The following RBBP5 variants were observed in gnomAD, a reference collection of about 807,000 sequenced individuals.
RBBP5 encodes the protein RB binding protein 5, histone lysine methyltransferase complex subunit, also known as retinoblastoma-binding protein 5.
A neutral mutation model predicts 72.2 loss-of-function variants in RBBP5; 5 were observed. The ratio of observed to expected loss-of-function variants is 0.07; its 90% confidence interval spans 0.04 to 0.15. The LOEUF is 0.15. RBBP5 is among the 10% of genes least tolerant of loss of function. RBBP5 has a pLI of 1.00. For missense variants in RBBP5, 322 were observed against 652.2 expected, an observed-to-expected ratio of 0.49 and a Z score of 5.51; for synonymous variants, 209 against 237.2, an observed-to-expected ratio of 0.88 and a Z score of 1.09.
chr1:205,094,296 C>T lies in RBBP5; in HGVS notation c.1588+577G>A, dbSNP rs1655528373. Among the ~76,000 whole-genome samples the T allele has an allele frequency of 2.0e-5, 3 of 152,152 alleles. No homozygotes were observed. In the South Asian group the frequency reaches 6.2e-4, roughly 32 times the overall value. ...AAAAAATCAAAAACCAAAACAAACC[C>T]CATCTTCTTCCTTAACACGATGGTA... On this transcript the variant is annotated intron_variant, in intron 13 of 13. Coordinates refer to ENST00000264515, the MANE Select transcript of RBBP5 (RefSeq NM_005057.4).
intron 3 of RBBP5, among the ~76,000 whole-genome samples, chr1:205,112,774 G>A (rs1656368118): frequency 1.3e-5 from 2 of 152,218 alleles, no homozygotes; most frequent in East Asian, 1.9e-4. Context: ...AGTATTAGGA[G>A]GGAAAAGCAA....
intron 3 of RBBP5, among the ~76,000 whole-genome samples, chr1:205,105,453 A>G (rs1366312154): frequency 6.6e-6 from 1 of 152,254 alleles, no homozygotes; most frequent in Non-Finnish European, 1.5e-5. Context: ...AGAGTCTAAA[A>G]AATCAGCTGC....
rs868608448 is a variant in RBBP5 at position 205,099,799 on chromosome 1, C to T, written c.920G>A (p.Arg307Gln). 3.1e-6 allele frequency: 5 copies of T among 1,613,642 alleles called. No individual in the cohort carries two copies. The African/African-American group carries it at 5.3e-5, about 17-fold the overall frequency. ...LLLDVAWHPV[R>Q]PIIASISSGV... ...ACTGGAAATGGATGCTATGATGGGT[C>T]GAACAGGATGCCACTAAATTTTAGT... Residue 307 changes from arginine (R) to glutamine (Q), a missense_variant, in exon 9 of 14, where the codon CGA becomes CAA. Coordinates refer to ENST00000264515, the MANE Select transcript of RBBP5 (RefSeq NM_005057.4). This position sits in a 1 kb window ranked among gnomAD's most constrained non-coding sequence, Gnocchi z 4.7.
intron 2 of RBBP5, 130 bp downstream of exon 2, chr1:205,115,728 T>G: frequency 8.4e-7 from 1 of 1,190,130 alleles, no homozygotes; most frequent in South Asian, 2.5e-5. Context: ...CTCCTTATTA[T>G]AGCATAAGAT....
chr1:205,098,995 G>T lies in RBBP5; in HGVS notation c.1090C>A (p.Gln364Lys), dbSNP rs1655720848. ...IEDEDKSEPE[Q>K]TGADAAEDEE... The stretch of plus-strand genomic sequence containing the variant: ...TGCAATTTAGAAATAGTACCTGTCT[G>T]CTCAGGCTCACTCTTATCTTCATCT... Residue 364 changes from glutamine to lysine, a missense_variant, in exon 10 of 14, where the codon CAG (glutamine) becomes AAG (lysine). Gln to Lys is a moderately conservative substitution (Grantham distance 53). Transcript: ENST00000264515. 6.3e-7 allele frequency: 1 copy of T among 1,591,342 alleles called. No individual in the cohort carries two copies. Among genetic ancestry groups the T allele is most frequent in the East Asian group, 2.3e-5 (1 of 43,524 alleles).
chr1:205,111,335 A>G (rs918165317), intron 3 of RBBP5, among the ~76,000 whole-genome samples: 2 of 152,242 alleles, frequency 1.3e-5, no homozygotes, highest in African/African-American at 4.8e-5. Flanking sequence ...AGCTGAGAAC[A>G]TAGCAGTGAA....
chr1:205,121,396 T>C (rs547459118), intron 1 of RBBP5, among the ~76,000 whole-genome samples: 1 of 152,334 alleles, frequency 6.6e-6, no homozygotes, highest in South Asian at 2.1e-4. Context: ...TGAGCCTTTA[T>C]TCATCTGTTC....
chr1:205,093,394 G>A (rs531938017), intron 13 of RBBP5, among the ~76,000 whole-genome samples: 281 of 145,580 alleles, frequency 1.9e-3, no homozygotes, highest in Non-Finnish European at 3.7e-3. Context: ...AGGAGGCAGA[G>A]GTTGCAGTGA....
chr1:205,112,175 G>A (rs558055929), intron 3 of RBBP5, among the ~76,000 whole-genome samples: 10 of 152,064 alleles, frequency 6.6e-5, no homozygotes, highest in Admixed American at 4.6e-4. Flanking sequence ...AAAATCAGCC[G>A]GTCATGGTGG....
chr1:205,090,659 G>T (rs1431484228), intron 13 of RBBP5, among the ~76,000 whole-genome samples: 1 of 152,160 alleles, frequency 6.6e-6, no homozygotes, highest in Admixed American at 6.5e-5. Flanking sequence ...CTCCAGTAAT[G>T]TAACAGGTAG....
chr1:205,086,390 C>G lies in RBBP5; in HGVS notation c.*2397G>C, dbSNP rs1307762455. On this transcript the variant is annotated 3_prime_UTR_variant, in exon 14 of 14. Transcript: ENST00000264515. ...TAGCTAGGATTACAGGTGCCCGCCACCACGCCCAGCTAATTTTTGTATTTT... is the reference window on the plus strand; with the variant it reads ...TAGCTAGGATTACAGGTGCCCGCCAGCACGCCCAGCTAATTTTTGTATTTT... The G allele has an allele frequency of 6.6e-6, 1 of 152,118 alleles. No homozygotes were observed. Among genetic ancestry groups the G allele is most frequent in the Admixed American group, 6.6e-5 (1 of 15,254 alleles). 9.4% of individuals were successfully genotyped at this position (152,118 alleles called of 1,614,324 possible). A position where few individuals can be genotyped will look rare whatever the true frequency, so the allele number is the denominator to read the frequency against.
chr1:205,113,277 G>A (rs1002516674), intron 3 of RBBP5, among the ~76,000 whole-genome samples: 3 of 149,082 alleles, frequency 2.0e-5, no homozygotes, highest in South Asian at 2.2e-4. Flanking sequence ...TTTTTAATAG[G>A]TAAGAGTTCT....
intron 12 of RBBP5, among the ~76,000 whole-genome samples, chr1:205,096,308 G>C (rs997499890): frequency 5.9e-5 from 9 of 152,106 alleles, no homozygotes; most frequent in Non-Finnish European, 1.0e-4. Context: ...GATAATAAAG[G>C]CTTCCCAAGT....
intron 3 of RBBP5, among the ~76,000 whole-genome samples, chr1:205,110,667 A>G (rs1656276652): frequency 6.6e-6 from 1 of 152,216 alleles, no homozygotes; most frequent in African/African-American, 2.4e-5. Context: ...TATCTTATAG[A>G]TAGAATATAT....
At position 205,100,288 on chromosome 1, in the gene RBBP5, A is replaced by C. The variant is rs1312261235; in HGVS notation, c.633-17T>G. 1 of 1,612,224 alleles carries C rather than the reference A, an allele frequency of 6.2e-7. No homozygotes were observed. Among genetic ancestry groups the C allele is most frequent in the Non-Finnish European group, 8.5e-7 (1 of 1,179,932 alleles). On this transcript the variant is annotated splice_polypyrimidine_tract_variant and intron_variant, in intron 6 of 13. Coordinates refer to ENST00000264515, the MANE Select transcript of RBBP5 (RefSeq NM_005057.4). ...AAAAAGCAACTACGGGAAGGATAAA[A>C]ATATCAACACCAGAGGTCAGAAATC...
In RBBP5 at chr1:205,097,406, G is replaced by C; in HGVS notation, c.1097-11C>G. On this transcript the variant is annotated splice_polypyrimidine_tract_variant and intron_variant, in intron 10 of 13. Transcript: ENST00000264515. ...CTGCAGCATCAGCCCCTGCAGGACA[G>C]AAACACAGGAGATGTTTGAGAAGAA... 6.4e-7 allele frequency: 1 copy of C among 1,551,984 alleles called. No homozygotes were observed. The highest frequency in any genetic ancestry group is 8.7e-7 in the Non-Finnish European group (1 of 1,146,984).
At chr1:205,112,020 A>C (rs1283740178) in intron 3 of RBBP5, among the ~76,000 whole-genome samples, 1 of 152,014 alleles carries the variant, frequency 6.6e-6, no homozygotes, top group African/African-American at 2.4e-5. Context: ...TACAAATTTA[A>C]AGTTATAAAT....
At chr1:205,105,317 T>C in intron 3 of RBBP5, 149 bp from the exon 4 acceptor site, 1 of 798,956 alleles carries the variant, frequency 1.3e-6, no homozygotes, top group Non-Finnish European at 1.9e-6. Flanking sequence ...ATCCATAAGC[T>C]TTTCCAACTA....
intron 13 of RBBP5, among the ~76,000 whole-genome samples, chr1:205,092,956 A>AATT (rs1655408999): frequency 6.6e-6 from 1 of 152,200 alleles, no homozygotes; most frequent in African/African-American, 2.4e-5. Context: ...AAAGTGTTTT[A>AATT]ATTAATTATG....
Sources: gnomAD v4.1 joint callset for allele counts (sites outside exome capture counted in the v4.1 genomes callset) on GRCh38, gnomAD v4.1.1 for gene constraint, Gnocchi (gnomAD v3.1) non-coding constraint, MANE v1.5 for transcripts, NCBI Gene and HGNC (gene_info 2026-07-23, HGNC 2026-07-21) for gene names.